TMEM117: variants seen among roughly 807,000 people sequenced by gnomAD.
TMEM117 encodes transmembrane protein 117.
In TMEM117, 27 loss-of-function variants were observed where a neutral mutation model predicts 52.4. The ratio of observed to expected loss-of-function variants is 0.51; its 90% CI spans 0.38 to 0.71. The LOEUF (loss-of-function observed/expected upper bound fraction) is 0.71, where lower values mean the gene tolerates loss of function less well. Ranked by LOEUF, TMEM117 falls within the 30% of genes least tolerant of loss-of-function variation. The pLI is 0.00. For synonymous variants in TMEM117, 215 were observed against 206.3 expected (o/e 1.04, Z -0.36); for missense variants, 556 against 630.5 (o/e 0.88, Z 1.26).
chr12:44,143,565 A>C lies in TMEM117; in HGVS notation c.451A>C (p.Ser151Arg). The C allele has an allele frequency of 6.2e-7, 1 of 1,614,028 alleles. No homozygotes were observed. The highest frequency in any genetic ancestry group is 1.1e-5 in the South Asian group (1 of 91,074). ...AGACTATATGGGCATCCGAAATGAAAGTTTCATGAAATTAGCTGCAGTAGG... is the reference window on the plus strand; with the variant it reads ...AGACTATATGGGCATCCGAAATGAACGTTTCATGAAATTAGCTGCAGTAGG... ...ITDYMGIRNE[S>R]FMKLAAVGTW... Residue 151 changes from serine to arginine, a missense_variant, in exon 4 of 8, where the codon AGT becomes CGT. Coordinates refer to ENST00000266534, the MANE Select transcript of TMEM117 (RefSeq NM_032256.3).
intron 5 of TMEM117, among the ~76,000 whole-genome samples, chr12:44,286,490 G>T (rs954543304): frequency 2.0e-5 from 3 of 152,150 alleles, no homozygotes; most frequent in African/African-American, 7.2e-5. Flanking sequence ...CACCATAAAT[G>T]AGTCAGCCCT....
chr12:44,154,550 C>T (rs909536009), intron 4 of TMEM117, among the ~76,000 whole-genome samples: 2 of 151,678 alleles, frequency 1.3e-5, no homozygotes, highest in Non-Finnish European at 2.9e-5. Context: ...AAAATGAAAC[C>T]TAATAATTTT....
intron 3 of TMEM117, among the ~76,000 whole-genome samples, chr12:44,063,814 T>C (rs1947180009): frequency 6.6e-6 from 1 of 152,058 alleles, no homozygotes; most frequent in South Asian, 2.1e-4. Flanking sequence ...AGTTCTCTGA[T>C]GATATAAAGG....
intron 3 of TMEM117, among the ~76,000 whole-genome samples, chr12:44,129,693 T>C (rs2138163517): frequency 6.6e-6 from 1 of 152,294 alleles, no homozygotes; most frequent in Non-Finnish European, 1.5e-5. Context: ...GTAAAAATGG[T>C]AGCCCTTTCA....
intron 3 of TMEM117, among the ~76,000 whole-genome samples, chr12:44,027,501 T>A (rs923944030): frequency 2.6e-5 from 4 of 152,110 alleles, no homozygotes; most frequent in Non-Finnish European, 5.9e-5. Flanking sequence ...CTAGACATTT[T>A]AAAAGAGGAT....
At chr12:44,088,223 T>C (rs986936247) in intron 3 of TMEM117, among the ~76,000 whole-genome samples, 1 of 152,204 alleles carries the variant, frequency 6.6e-6, no homozygotes, top group African/African-American at 2.4e-5. Context: ...TAGGAATTTC[T>C]GTATAAATAT....
intron 3 of TMEM117, among the ~76,000 whole-genome samples, chr12:43,993,054 A>G (rs1012851889): frequency 3.9e-5 from 6 of 152,184 alleles, no homozygotes; most frequent in African/African-American, 1.4e-4. Flanking sequence ...AAGCTACAGA[A>G]AGTAGACACT....
At chr12:43,799,932 T>C in the TMEM117 span, among the ~76,000 whole-genome samples, 1 of 152,082 alleles carries the variant, frequency 6.6e-6, no homozygotes, top group Admixed American at 6.5e-5. Flanking sequence ...ATAGTTTTCA[T>C]GTCAAAAGAA....
At chr12:44,204,496 C>G (rs562073417) in intron 4 of TMEM117, among the ~76,000 whole-genome samples, 7 of 151,862 alleles carry the variant, frequency 4.6e-5, no homozygotes, top group Non-Finnish European at 1.0e-4. Context: ...GTATTTTCTG[C>G]AGCAATTTAC....
chr12:44,037,242 T>A (rs1191526078), intron 3 of TMEM117, among the ~76,000 whole-genome samples: 1 of 152,164 alleles, frequency 6.6e-6, no homozygotes, highest in Admixed American at 6.5e-5. Flanking sequence ...AAAACAGCTA[T>A]AGCCATCCAG....
chr12:43,868,105 C>G (rs200858290), intron 2 of TMEM117, among the ~76,000 whole-genome samples: 4 of 150,372 alleles, frequency 2.7e-5, no homozygotes, highest in Non-Finnish European at 5.9e-5. Context: ...TATACACACA[C>G]ACACACAGAC....
intron 5 of TMEM117, among the ~76,000 whole-genome samples, chr12:44,225,663 A>G (rs1330849371): frequency 6.6e-6 from 1 of 152,200 alleles, no homozygotes; most frequent in Admixed American, 6.6e-5. Flanking sequence ...TTTTTAATGT[A>G]AAATATGGTA....
chr12:43,798,648 G>A, the TMEM117 span: 180 of 1,419,830 alleles, frequency 1.3e-4, no homozygotes, highest in Middle Eastern at 3.8e-3. Flanking sequence ...CACATAAAAA[G>A]CCCTACTCAA....
intron 6 of TMEM117, among the ~76,000 whole-genome samples, chr12:44,339,070 C>G (rs1951381219): frequency 1.3e-5 from 2 of 152,136 alleles, no homozygotes; most frequent in Middle Eastern, 3.4e-3. Context: ...AATGACTACC[C>G]TACCCACTGC....
chr12:43,887,153 C>T (rs961113595), intron 2 of TMEM117, among the ~76,000 whole-genome samples: 1 of 152,208 alleles, frequency 6.6e-6, no homozygotes, highest in African/African-American at 2.4e-5. Context: ...CTGGCCTGGG[C>T]CTCACTTATT....
At chr12:43,967,284 C>T (rs993691408) in intron 3 of TMEM117, among the ~76,000 whole-genome samples, 1 of 152,022 alleles carries the variant, frequency 6.6e-6, no homozygotes, top group African/African-American at 2.4e-5. Flanking sequence ...GCCACCATGC[C>T]CAGCTAATTT....
At chr12:43,807,780 A>G in the TMEM117 span, among the ~76,000 whole-genome samples, 20 of 152,318 alleles carry the variant, frequency 1.3e-4, no homozygotes, top group Non-Finnish European at 2.8e-4. Context: ...ATTTACTGCC[A>G]GTACAATAGT....
At chr12:44,009,142 C>G (rs899314656) in intron 3 of TMEM117, 3 of 309,322 alleles carry the variant, frequency 9.7e-6, no homozygotes, top group African/African-American at 6.9e-5. Flanking sequence ...TTCTTTACTT[C>G]CTTGGAAAAG....
At chr12:44,328,592 ATATAACT>A (rs563252342) in intron 6 of TMEM117, among the ~76,000 whole-genome samples, 115 of 152,238 alleles carry the variant, frequency 7.6e-4, no homozygotes, top group Middle Eastern at 6.8e-3. Flanking sequence ...ACAATCACTG[ATATAACT>A]TATAACTAAA....
Sources: allele counts gnomAD v4.1 joint callset (sites outside exome capture counted in the v4.1 genomes callset), GRCh38; gene constraint gnomAD v4.1.1; transcripts MANE v1.5; gene names NCBI Gene and HGNC (gene_info 2026-07-23, HGNC 2026-07-21).